Variants in FGGY observed in about 807,000 individuals in gnomAD.
The protein encoded by FGGY is FGGY carbohydrate kinase domain-containing protein.
Under a neutral mutation model 71.3 loss-of-function variants are expected in FGGY, and 72 were observed. That is an observed-to-expected ratio of 1.01 (90% confidence interval 0.84 to 1.23). FGGY has a LOEUF of 1.23. Ranked by LOEUF, FGGY falls within the 50% of genes most tolerant of loss-of-function variation. FGGY has a pLI of 0.00. For synonymous variants in FGGY, 251 were observed against 250.3 expected (o/e 1.00, Z -0.02); for missense variants, 668 against 682.3 (o/e 0.98, Z 0.23).
chr1:59,538,644 C>G (rs529183378), intron 7 of FGGY, among the ~76,000 whole-genome samples: 151 of 151,590 alleles, frequency 1.0e-3, no homozygotes, highest in African/African-American at 3.6e-3. Context: ...CACATATACA[C>G]CATGGAATAC....
At chr1:59,451,835 A>G (rs556070092) in intron 5 of FGGY, among the ~76,000 whole-genome samples, 2 of 152,268 alleles carry the variant, frequency 1.3e-5, no homozygotes, top group South Asian at 4.1e-4. Context: ...AGTGTCTTCT[A>G]CATTCCAGAG....
intron 4 of FGGY, among the ~76,000 whole-genome samples, chr1:59,351,170 G>A (rs2053207849): frequency 6.6e-6 from 1 of 152,200 alleles, no homozygotes; most frequent in South Asian, 2.1e-4. Flanking sequence ...TGTTGTTTAT[G>A]TCTGTTTTCA....
chr1:59,354,433 C>T (rs1034589851), intron 4 of FGGY, among the ~76,000 whole-genome samples: 1 of 152,152 alleles, frequency 6.6e-6, no homozygotes, highest in East Asian at 1.9e-4. Context: ...AAGCAACTTG[C>T]CCAAGGTCAC....
intron 14 of FGGY, among the ~76,000 whole-genome samples, chr1:59,693,142 G>A (rs2097608859): frequency 6.6e-6 from 1 of 152,222 alleles, no homozygotes; most frequent in Admixed American, 6.5e-5. Context: ...AGATGTGGAA[G>A]TGCTTAGTAA....
intron 5 of FGGY, among the ~76,000 whole-genome samples, chr1:59,382,297 G>T (rs2059560617): frequency 6.6e-6 from 1 of 152,094 alleles, no homozygotes; most frequent in African/African-American, 2.4e-5. Context: ...TCAGCAGCGG[G>T]GGCTTCCAGC....
chr1:59,498,849 C>T (rs1777958), intron 6 of FGGY, among the ~76,000 whole-genome samples: 65,589 of 152,086 alleles, frequency 0.43, 15,379 homozygotes, highest in African/African-American at 0.62. Flanking sequence ...ATCATTTTGG[C>T]TAAATGCCAA....
At chr1:59,371,777 T>G (rs1436458506) in intron 4 of FGGY, among the ~76,000 whole-genome samples, 1 of 152,070 alleles carries the variant, frequency 6.6e-6, no homozygotes, top group African/African-American at 2.4e-5. Flanking sequence ...CTCAACTACA[T>G]GGAAACTGAA....
intron 8 of FGGY, among the ~76,000 whole-genome samples, chr1:59,595,669 GAC>G (rs2096514484): frequency 6.6e-6 from 1 of 152,052 alleles, no homozygotes; most frequent in African/African-American, 2.4e-5. Context: ...CAGCCTGGGT[GAC>G]AGAGTGAGAC....
chr1:59,539,609 C>A (rs1222237933), intron 7 of FGGY, among the ~76,000 whole-genome samples: 1 of 151,978 alleles, frequency 6.6e-6, no homozygotes, highest in Non-Finnish European at 1.5e-5. Context: ...AAATACATTC[C>A]AAACAGATTA....
chr1:59,469,332 G>T (rs1221681530), intron 6 of FGGY, among the ~76,000 whole-genome samples: 1 of 152,166 alleles, frequency 6.6e-6, no homozygotes, highest in African/African-American at 2.4e-5. Flanking sequence ...TAACTTCTGG[G>T]CATCTGATAA....
At chr1:59,661,794 A>G (rs947785209) in intron 12 of FGGY, among the ~76,000 whole-genome samples, 6 of 151,600 alleles carry the variant, frequency 4.0e-5, no homozygotes, top group African/African-American at 1.2e-4. Context: ...ATCTTGGCTC[A>G]CTGCAAGCTC....
In FGGY at chr1:59,554,152, C is replaced by T. The variant is rs148643213; in HGVS notation, c.828C>T (p.His276=). 20 of 1,612,562 alleles carry T rather than the reference C, an allele frequency of 1.2e-5. No homozygotes were observed. Among genetic ancestry groups the T allele is most frequent in the South Asian group, 9.9e-5 (9 of 91,022 alleles). ...LGVIGADVRG[H]GLICEGQPVT... is the part of the protein sequence containing the mutation. Reference sequence around the variant, plus strand: ...TGATTGGGGCAGATGTGAGAGGGCACGGCCTCATCTGTGAGGGGCAGCCAG... The same window carrying T: ...TGATTGGGGCAGATGTGAGAGGGCATGGCCTCATCTGTGAGGGGCAGCCAG... The change falls in exon 8 of 16, where the codon CAC becomes CAT. Residue 276 remains histidine (H), a synonymous_variant. Coordinates refer to ENST00000303721, the MANE Select transcript of FGGY (RefSeq NM_018291.5).
intron 7 of FGGY, among the ~76,000 whole-genome samples, chr1:59,548,134 G>T (rs1350445116): frequency 6.6e-6 from 1 of 152,202 alleles, no homozygotes; most frequent in African/African-American, 2.4e-5. Context: ...GGGATGTGGG[G>T]AGATGTGATC....
At chr1:59,371,874 C>A (rs1301363657) in intron 4 of FGGY, among the ~76,000 whole-genome samples, 2 of 152,156 alleles carry the variant, frequency 1.3e-5, no homozygotes, top group Non-Finnish European at 2.9e-5. Flanking sequence ...AACACAGACA[C>A]AACATACCAG....
chr1:59,470,821 T>C (rs1241462501), intron 6 of FGGY, among the ~76,000 whole-genome samples: 3 of 152,246 alleles, frequency 2.0e-5, no homozygotes, highest in African/African-American at 7.2e-5. Flanking sequence ...CATGTCTTCA[T>C]TCTTTATAGT....
intron 5 of FGGY, among the ~76,000 whole-genome samples, chr1:59,409,339 A>G (rs1371106466): frequency 5.3e-5 from 8 of 152,130 alleles, no homozygotes; most frequent in Admixed American, 4.6e-4. Context: ...CGAGAGGCCC[A>G]GGGGCCTGGC....
intron 9 of FGGY, among the ~76,000 whole-genome samples, chr1:59,619,168 A>G (rs2096785052): frequency 2.0e-5 from 3 of 152,070 alleles, no homozygotes; most frequent in African/African-American, 4.8e-5. Context: ...CTTTAGAGTG[A>G]TGTTTATTTA....
chr1:59,709,635 C>T (rs1056097486), intron 14 of FGGY, among the ~76,000 whole-genome samples: 4 of 152,084 alleles, frequency 2.6e-5, no homozygotes, highest in Non-Finnish European at 5.9e-5. Context: ...GTGAGAGGAG[C>T]GGAGGAAACA....
chr1:59,550,833 C>A (rs1338245198), intron 7 of FGGY, among the ~76,000 whole-genome samples: 1 of 152,154 alleles, frequency 6.6e-6, no homozygotes, highest in African/African-American at 2.4e-5. Flanking sequence ...GCTTTGGAGT[C>A]AGACAGAACA....
Sources: allele counts gnomAD v4.1 joint callset (sites outside exome capture counted in the v4.1 genomes callset), GRCh38; gene constraint gnomAD v4.1.1; transcripts MANE v1.5; gene names NCBI Gene and HGNC (gene_info 2026-07-23, HGNC 2026-07-21).